The following NDUFAF3 variants were observed in gnomAD, a reference collection of about 807,000 sequenced individuals.
The protein encoded by NDUFAF3 is NADH:ubiquinone oxidoreductase complex assembly factor 3, also known as NADH dehydrogenase [ubiquinone] 1 alpha subcomplex assembly factor 3.
NDUFAF3 carries 21 observed loss-of-function variants against 22.6 expected under a neutral mutation model. The observed-to-expected ratio is 0.93, with a 90% CI of 0.66 to 1.34. The LOEUF (loss-of-function observed/expected upper bound fraction) is 1.34, where lower values mean the gene tolerates loss of function less well. Among genes scored for constraint, NDUFAF3 ranks in the 40% most tolerant of loss-of-function variants. The pLI is 0.00. For missense variants in NDUFAF3, 251 were observed against 248.4 expected (o/e 1.01, Z -0.07); for synonymous variants, 113 against 104.9 (o/e 1.08, Z -0.47).
rs749367620 is a variant in NDUFAF3 at position 49,022,328 on chromosome 3, G to A, written c.78-18G>A. ...CTGCCCGGCCCGGCCCCGCGCCCCT[G>A]ACCCTTTCCCTCCGCAGGGCCCCGC... On this transcript the variant is annotated intron_variant, in intron 1 of 4. Coordinates refer to ENST00000326925, the MANE Select transcript of NDUFAF3 (RefSeq NM_199069.2). The surrounding 1 kb of genome is among the most constrained non-coding windows in gnomAD (Gnocchi z 6.6). 1.2e-6 allele frequency: 2 copies of A among 1,610,338 alleles called. No homozygotes were observed. Among genetic ancestry groups the A allele is most frequent in the Non-Finnish European group, 1.7e-6 (2 of 1,179,612 alleles).
upstream of NDUFAF3, chr3:49,021,637 T>G (rs914116534): frequency 6.3e-6 from 1 of 159,814 alleles, no homozygotes; most frequent in East Asian, 1.9e-4. The surrounding 1 kb of genome is among the most constrained non-coding windows in gnomAD (Gnocchi z 4.1). Flanking sequence ...GTCGCGCGGG[T>G]GACGGTTAGG....
At chr3:49,022,099 G>C, upstream of NDUFAF3, 1 of 1,579,352 alleles carries the variant, frequency 6.3e-7, no homozygotes. This position sits in a 1 kb window ranked among gnomAD's most constrained non-coding sequence, Gnocchi z 6.6. Flanking sequence ...CTCCCAACCC[G>C]GGGACTAACG....
upstream of NDUFAF3, chr3:49,021,316 A>G (rs2093154525): frequency 6.6e-6 from 1 of 151,652 alleles, no homozygotes; most frequent in South Asian, 2.1e-4. The surrounding 1 kb of genome is among the most constrained non-coding windows in gnomAD (Gnocchi z 4.1). Context: ...GGGGCCAGCG[A>G]CTCTCGCGCC....
At position 49,023,293 on chromosome 3, in the gene NDUFAF3, G is replaced by GT; in HGVS notation, c.*122dup. 1 of 867,062 alleles carries GT rather than the reference G, an allele frequency of 1.2e-6. No homozygotes were observed. The highest frequency in any genetic ancestry group is 2.0e-6 in the Non-Finnish European group (1 of 508,106). The allele number at this position is 867,062 out of a possible 1,614,324, so 53.7% of individuals were successfully genotyped here. A position where few individuals can be genotyped will look rare whatever the true frequency, so the allele number is the denominator to read the frequency against. On this transcript the variant is annotated 3_prime_UTR_variant, in exon 5 of 5. Transcript: ENST00000326925. ...ATAATTTATACACTTCTCCCATTTT[G>GT]TATCAGGTGTGTTGCTGGCCAGGAG...
chr3:49,022,045 C>A, upstream of NDUFAF3: 2 of 1,302,556 alleles, frequency 1.5e-6, no homozygotes, highest in South Asian at 2.6e-5. The surrounding 1 kb of genome is among the most constrained non-coding windows in gnomAD (Gnocchi z 6.6). Flanking sequence ...CCCTCCGGGA[C>A]GCAGGGGGCG....
upstream of NDUFAF3, chr3:49,020,729 C>A: frequency 2.1e-6 from 1 of 471,406 alleles, no homozygotes; most frequent in Non-Finnish European, 4.4e-6. Context: ...GGCGGGGGAG[C>A]TCCTGCCCCC....
upstream of NDUFAF3, chr3:49,022,118 G>A: frequency 6.3e-7 from 1 of 1,599,922 alleles, no homozygotes; most frequent in Non-Finnish European, 8.5e-7. This position sits in a 1 kb window ranked among gnomAD's most constrained non-coding sequence, Gnocchi z 6.6. Flanking sequence ...CGGCGCCGGT[G>A]ACGACTTCGC....
upstream of NDUFAF3, chr3:49,020,454 C>T (rs2093143922): frequency 7.8e-6 from 3 of 382,310 alleles, no homozygotes; most frequent in Non-Finnish European, 1.6e-5. Context: ...CCTCCCTCGC[C>T]AATCCTCCCC....
In NDUFAF3 at chr3:49,023,089, C is replaced by T. The variant is rs761260227; in HGVS notation, c.472C>T (p.His158Tyr). 6.2e-7 allele frequency: 1 copy of T among 1,614,198 alleles called. No individual in the cohort carries two copies. Among genetic ancestry groups the T allele is most frequent in the East Asian group, 2.2e-5 (1 of 44,878 alleles). Residue 158 changes from histidine to tyrosine, a missense_variant, in exon 5 of 5, where the codon CAT becomes TAT. Coordinates refer to ENST00000326925, the MANE Select transcript of NDUFAF3 (RefSeq NM_199069.2). ...CTGTGCCACCTTCAACTTCCTGTGT[C>T]ATGAAGGCCGAGTAACTGGAGCTGC... ...NACATFNFLC[H>Y]EGRVTGAALI...
Position 49,023,054 on chromosome 3 carries a change from A to C in NDUFAF3, c.439-2A>C, listed in dbSNP as rs112831154. On this transcript the variant is annotated splice_acceptor_variant, in intron 4 of 4. Coordinates refer to ENST00000326925, the MANE Select transcript of NDUFAF3 (RefSeq NM_199069.2). LOFTEE classifies it high-confidence loss of function. ...AGGCTGATGCTGGCCTTTTCTTTGC[A>C]GCCCAATGCCTGTGCCACCTTCAAC... 6.2e-7 allele frequency: 1 copy of C among 1,614,130 alleles called. No homozygotes were observed. Among genetic ancestry groups the C allele is most frequent in the Middle Eastern group, 1.6e-4 (1 of 6,062 alleles).
In NDUFAF3 at chr3:49,022,155, C is replaced by G. The variant is rs763199570; in HGVS notation, c.11C>G (p.Ala4Gly). The change falls in exon 1 of 5, where the codon GCT (alanine) becomes GGT (glycine). Residue 4 changes from alanine (A) to glycine (G), a missense_variant. Transcript: ENST00000326925. This position sits in a 1 kb window ranked among gnomAD's most constrained non-coding sequence, Gnocchi z 6.6. MATALALRSLYRAR... is the reference protein window; with the variant it reads MATGLALRSLYRAR... ...GCGCGTTGGTCAGCCATGGCCACCGCTCTCGCGCTACGTAGCTTGTACCGA... is the reference window on the plus strand; with the variant it reads ...GCGCGTTGGTCAGCCATGGCCACCGGTCTCGCGCTACGTAGCTTGTACCGA... 4.3e-6 allele frequency: 7 copies of G among 1,609,376 alleles called. No individual in the cohort carries two copies. In the East Asian group the frequency reaches 1.6e-4, roughly 36 times the overall value.
At chr3:49,020,746 C>G (rs376191008), upstream of NDUFAF3, 1 of 461,148 alleles carries the variant, frequency 2.2e-6, no homozygotes, top group Non-Finnish European at 4.5e-6. Context: ...CCCCAGGTCA[C>G]TCGCCCTGGG....
At position 49,022,892 on chromosome 3, in the gene NDUFAF3, G is replaced by A; in HGVS notation, c.354G>A (p.Gly118=). 1 of 1,614,032 alleles carries A rather than the reference G, an allele frequency of 6.2e-7. No individual in the cohort carries two copies. Among genetic ancestry groups the A allele is most frequent in the Non-Finnish European group, 8.5e-7 (1 of 1,180,024 alleles). ...LEPRIEIVVV[G]TGDRTERLQS... ...CTTCCCTAGAGATCGTGGTGGTGGG[G>A]ACTGGAGACCGGACCGAGAGGCTGC... Residue 118 remains glycine, a synonymous_variant, in exon 4 of 5, where the codon GGG becomes GGA. Transcript: ENST00000326925. The surrounding 1 kb of genome is among the most constrained non-coding windows in gnomAD (Gnocchi z 6.6).
chr3:49,022,903 G>C lies in NDUFAF3; in HGVS notation c.365G>C (p.Arg122Pro), dbSNP rs121918135. 1 of 1,614,024 alleles carries C rather than the reference G, an allele frequency of 6.2e-7. No individual in the cohort carries two copies. The highest frequency in any genetic ancestry group is 8.5e-7 in the Non-Finnish European group (1 of 1,180,022). ...ATCGTGGTGGTGGGGACTGGAGACC[G>C]GACCGAGAGGCTGCAGTCCCAGGTG... ...IEIVVVGTGD[R>P]TERLQSQVLQ... Residue 122 changes from arginine (R) to proline (P), a missense_variant, in exon 4 of 5, where the codon CGG (arginine) becomes CCG (proline). Coordinates refer to ENST00000326925, the MANE Select transcript of NDUFAF3 (RefSeq NM_199069.2). This position sits in a 1 kb window ranked among gnomAD's most constrained non-coding sequence, Gnocchi z 6.6.
upstream of NDUFAF3, chr3:49,021,998 G>GC (rs1157905572): frequency 1.1e-5 from 9 of 819,638 alleles, no homozygotes; most frequent in Admixed American, 2.2e-5. This position sits in a 1 kb window ranked among gnomAD's most constrained non-coding sequence, Gnocchi z 4.1. Context: ...CTAAGACTGA[G>GC]GACACTCGCC....
chr3:49,022,620 C>T lies in NDUFAF3; in HGVS notation c.270+82C>T, dbSNP rs1382620242. The T allele has an allele frequency of 3.7e-6, 6 of 1,613,254 alleles. No individual in the cohort carries two copies. The African/African-American group carries it at 4.0e-5, about 11-fold the overall frequency. On this transcript the variant is annotated intron_variant, in intron 2 of 4. Transcript: ENST00000326925. The surrounding 1 kb of genome is among the most constrained non-coding windows in gnomAD (Gnocchi z 6.6). ...GCTTGGTCCCTGCAAACTTGGCTTT[C>T]CTCTGTCTCCTCCTGCAGTGGATGG...
chr3:49,021,866 C>A (rs1373678311), upstream of NDUFAF3: 6 of 535,538 alleles, frequency 1.1e-5, no homozygotes, highest in Admixed American at 2.1e-4. The surrounding 1 kb of genome is among the most constrained non-coding windows in gnomAD (Gnocchi z 4.1). Flanking sequence ...CCAGGCAACG[C>A]CCTGAGGGTG....
rs775271762 is a variant in NDUFAF3, at chr3:49,022,765, A to T, written c.334A>T (p.Ile112Leu). Residue 112 changes from isoleucine (I) to leucine (L), a missense_variant, in exon 3 of 5, where the codon ATA becomes TTA. Coordinates refer to ENST00000326925, the MANE Select transcript of NDUFAF3 (RefSeq NM_199069.2). This position sits in a 1 kb window ranked among gnomAD's most constrained non-coding sequence, Gnocchi z 6.6. ...FSLFWLLEPR[I>L]EIVVVGTGDR... ...CCTCTTCTGGTTGCTGGAGCCCCGGATAGGTACTGGGGAAGGGGAGGGAGA... is the reference window on the plus strand; with the variant it reads ...CCTCTTCTGGTTGCTGGAGCCCCGGTTAGGTACTGGGGAAGGGGAGGGAGA... 10 of 1,613,874 alleles carry T rather than the reference A, an allele frequency of 6.2e-6. No homozygotes were observed. In the South Asian group the frequency reaches 8.8e-5, roughly 14 times the overall value.
chr3:49,023,263 A>G lies in NDUFAF3; in HGVS notation c.*91A>G. 1 of 1,013,374 alleles carries G rather than the reference A, an allele frequency of 9.9e-7. No individual in the cohort carries two copies. Among genetic ancestry groups the G allele is most frequent in the South Asian group, 1.3e-5 (1 of 78,534 alleles). 62.8% of individuals were successfully genotyped at this position (1,013,374 alleles called of 1,614,324 possible). A position where few individuals can be genotyped will look rare whatever the true frequency, so the allele number is the denominator to read the frequency against. ...CCTTTGGCACTTATCTTGCTTATCA[A>G]CATAATAATTTATACACTTCTCCCA... On this transcript the variant is annotated 3_prime_UTR_variant, in exon 5 of 5. Coordinates refer to ENST00000326925, the MANE Select transcript of NDUFAF3 (RefSeq NM_199069.2).
Sources: allele counts gnomAD v4.1 joint callset, GRCh38; gene constraint gnomAD v4.1.1; non-coding constraint Gnocchi (gnomAD v3.1); transcripts MANE v1.5; gene names NCBI Gene and HGNC (gene_info 2026-07-23, HGNC 2026-07-21).